PRC1: variants seen among roughly 807,000 people sequenced by gnomAD.
PRC1 encodes the protein anaphase spindle elongation 1 homolog.
A neutral mutation model predicts 91.2 loss-of-function variants in PRC1; 54 were observed. The observed-to-expected ratio is 0.59, with a 90% CI of 0.48 to 0.74. PRC1 has a LOEUF of 0.74. PRC1 is among the 30% of genes least tolerant of loss of function. The probability of loss-of-function intolerance (pLI) is 0.00; values close to 1 mark genes in which losing one functional copy is unlikely to be tolerated. For synonymous variants in PRC1, 275 were observed against 263.6 expected (o/e 1.04, Z -0.42); for missense variants, 727 against 746.2 (o/e 0.97, Z 0.30).
chr15:90,982,001 ACT>A lies in PRC1; in HGVS notation c.268-22_268-21del. 6.2e-7 allele frequency: 1 copy of A among 1,600,752 alleles called. No individual in the cohort carries two copies. Among genetic ancestry groups the A allele is most frequent in the South Asian group, 1.1e-5 (1 of 90,602 alleles). Reference sequence around the variant, plus strand: ...TTCTTCCTGAATAAGACAACGTACCACTGTTATAAGATTCCAAGTGAATTCCT... The same window carrying A: ...TTCTTCCTGAATAAGACAACGTACCAGTTATAAGATTCCAAGTGAATTCCT... On this transcript the variant is annotated intron_variant, in intron 3 of 14. Coordinates refer to ENST00000394249, the MANE Select transcript of PRC1 (RefSeq NM_003981.4).
At chr15:90,989,680 A>G (rs2039843163) in intron 1 of PRC1, among the ~76,000 whole-genome samples, 2 of 152,168 alleles carry the variant, frequency 1.3e-5, no homozygotes, top group South Asian at 4.1e-4. Flanking sequence ...AAAAGTGAAA[A>G]AAAAAATACA....
At chr15:90,980,131 G>C in intron 7 of PRC1, 111 bp downstream of exon 7, 4 of 1,357,338 alleles carry the variant, frequency 2.9e-6, no homozygotes, top group Non-Finnish European at 3.9e-6. Context: ...CAACACTTTG[G>C]GAGGCCAAGT....
chr15:90,990,024 C>T (rs1207294621), intron 1 of PRC1, among the ~76,000 whole-genome samples: 1 of 152,078 alleles, frequency 6.6e-6, no homozygotes, highest in Non-Finnish European at 1.5e-5. Flanking sequence ...AGCCACCACA[C>T]CCAGCTAACT....
At position 90,966,217 on chromosome 15, in the gene PRC1, GAATA is replaced by G. The variant is rs753869624; in HGVS notation, c.*910_*913del. 1 of 198,868 alleles carries G rather than the reference GAATA, an allele frequency of 5.0e-6. No homozygotes were observed. Among genetic ancestry groups the G allele is most frequent in the South Asian group, 8.8e-5 (1 of 11,426 alleles). The allele number at this position is 198,868 out of a possible 1,614,324, so 12.3% of individuals were successfully genotyped here. On this transcript the variant is annotated 3_prime_UTR_variant, in exon 15 of 15. Transcript: ENST00000394249. ...GTACTGCTGCAGGCAGACAGCGGAAGAATAAATAATAGTGCTTCAAGAAGAGTAG... is the reference window on the plus strand; with the variant it reads ...GTACTGCTGCAGGCAGACAGCGGAAGAATAATAGTGCTTCAAGAAGAGTAG...
rs2039452855 is a variant in PRC1 at position 90,984,664 on chromosome 15, A to G, written c.144+29T>C. 2 of 1,612,968 alleles carry G rather than the reference A, an allele frequency of 1.2e-6. No homozygotes were observed. Among genetic ancestry groups the G allele is most frequent in the Non-Finnish European group, 8.5e-7 (1 of 1,179,336 alleles). On this transcript the variant is annotated intron_variant, in intron 2 of 14. Transcript: ENST00000394249. The surrounding 1 kb of genome is among the most constrained non-coding windows in gnomAD (Gnocchi z 5.1). ...GACACCAACATCCTTACCCTGGTCC[A>G]ATGCAGAGACCAGTACTATTCAACC...
rs141730563 is a variant in PRC1 at position 90,979,311 on chromosome 15, C to T, written c.971-17G>A. The T allele has an allele frequency of 1.6e-3, 2,579 of 1,599,852 alleles. 21 individuals are homozygous for T. The African/African-American group carries it at 0.024, about 15-fold the overall frequency. On this transcript the variant is annotated splice_polypyrimidine_tract_variant and intron_variant, in intron 7 of 14. Coordinates refer to ENST00000394249, the MANE Select transcript of PRC1 (RefSeq NM_003981.4). ...TGTAGTCCTCTGCAAAATATAGGCC[C>T]AGTAGTTTAAAACAATTCCTCTAGT...
chr15:90,994,350 C>G, intron 1 of PRC1, 57 bp downstream of exon 1: 2 of 1,611,612 alleles, frequency 1.2e-6, no homozygotes, highest in Non-Finnish European at 1.7e-6. Flanking sequence ...ACAGGCCCCG[C>G]AGCCGAAACG....
In PRC1 at chr15:90,981,871, C is replaced by T. The variant is rs762404767; in HGVS notation, c.378G>A (p.Glu126=). ...GAATTTCGCACAGTTCTTGATCTTG[C>T]TCTTGAAGTAGCTTCAGTTCCTGTT... The part of the protein sequence containing the change: ...ERKQELKLLQ[E]QDQELCEILC... The change falls in exon 4 of 15, where the codon GAG becomes GAA. Residue 126 remains glutamate, a synonymous_variant. Transcript: ENST00000394249. 2 of 1,614,224 alleles carry T rather than the reference C, an allele frequency of 1.2e-6. No individual in the cohort carries two copies. The highest frequency in any genetic ancestry group is 1.7e-5 in the Admixed American group (1 of 60,014).
chr15:90,990,518 G>A (rs988892446), intron 1 of PRC1, among the ~76,000 whole-genome samples: 1 of 151,468 alleles, frequency 6.6e-6, no homozygotes, highest in African/African-American at 2.4e-5. Context: ...GCGCCACCTT[G>A]CCTAGCCGAA....
intron 5 of PRC1, 40 bp from the exon 6 acceptor site, chr15:90,981,073 C>G (rs2151535959): frequency 1.2e-6 from 2 of 1,611,416 alleles, no homozygotes; most frequent in South Asian, 1.1e-5. Flanking sequence ...GGCAAAGCAG[C>G]AGCACAGAGG....
At position 90,981,635 on chromosome 15, in the gene PRC1, C is replaced by G; in HGVS notation, c.536G>C (p.Arg179Thr). 6.2e-7 allele frequency: 1 copy of G among 1,614,116 alleles called. No individual in the cohort carries two copies. The highest frequency in any genetic ancestry group is 1.3e-5 in the African/African-American group (1 of 75,036). The change falls in exon 5 of 15, where the codon AGA (arginine) becomes ACA (threonine). Residue 179 changes from arginine (R) to threonine (T), a missense_variant. Transcript: ENST00000394249. ...SRREEFVSIK[R>T]QIILCMEALD... The stretch of plus-strand genomic sequence containing the variant: ...TGCTTCCATACACAGTATGATCTGT[C>G]TCTTTATACTGACAAACTCCTCACG...
At chr15:90,968,599 A>G in intron 14 of PRC1, 1 of 993,006 alleles carries the variant, frequency 1.0e-6, no homozygotes, top group Non-Finnish European at 1.2e-6. Context: ...CAATGTATGG[A>G]AAGAGGCAAA....
chr15:90,979,399 G>T, intron 7 of PRC1, 105 bp from the exon 8 acceptor site: 1 of 1,292,210 alleles, frequency 7.7e-7, no homozygotes, highest in Non-Finnish European at 1.1e-6. Context: ...TTTCCTTATA[G>T]TAAACTGATA....
At chr15:90,990,852 C>A (rs1474055058) in intron 1 of PRC1, among the ~76,000 whole-genome samples, 4 of 151,544 alleles carry the variant, frequency 2.6e-5, no homozygotes, top group Non-Finnish European at 4.4e-5. Flanking sequence ...GATCTCAGCT[C>A]ACTGCAACCT....
chr15:90,966,517 A>T lies in PRC1; in HGVS notation c.*614T>A. 1 of 451,972 alleles carries T rather than the reference A, an allele frequency of 2.2e-6. No homozygotes were observed. The highest frequency in any genetic ancestry group is 2.4e-5 in the Admixed American group (1 of 42,174). 28.0% of individuals were successfully genotyped at this position (451,972 alleles called of 1,614,324 possible). Reference sequence around the variant, plus strand: ...GTTCATACATGCATACCCCCAACAAAGGGCAATGCACTGTGTAACAGAACT... The same window carrying T: ...GTTCATACATGCATACCCCCAACAATGGGCAATGCACTGTGTAACAGAACT... On this transcript the variant is annotated 3_prime_UTR_variant, in exon 15 of 15. Coordinates refer to ENST00000394249, the MANE Select transcript of PRC1 (RefSeq NM_003981.4).
At chr15:90,987,429 C>G (rs752327933) in intron 1 of PRC1, among the ~76,000 whole-genome samples, 3 of 152,140 alleles carry the variant, frequency 2.0e-5, no homozygotes, top group Non-Finnish European at 4.4e-5. Context: ...ACTGAGTTTA[C>G]ACTTGATTTC....
chr15:90,978,202 A>G (rs1474837354), intron 8 of PRC1, among the ~76,000 whole-genome samples: 1 of 152,226 alleles, frequency 6.6e-6, no homozygotes, highest in Non-Finnish European at 1.5e-5. Flanking sequence ...GAAGAAAAGG[A>G]ATCAATACCC....
intron 1 of PRC1, among the ~76,000 whole-genome samples, chr15:90,992,401 C>A (rs1380414800): frequency 1.3e-5 from 2 of 152,128 alleles, no homozygotes; most frequent in Non-Finnish European, 2.9e-5. Context: ...AAGTATTTTT[C>A]TTTTCTTTTT....
chr15:90,981,746 A>G lies in PRC1; in HGVS notation c.501+2T>C. On this transcript the variant is annotated splice_donor_variant, in intron 4 of 14. Coordinates refer to ENST00000394249, the MANE Select transcript of PRC1 (RefSeq NM_003981.4). LOFTEE classifies it high-confidence loss of function. ...TAGGAAGAACAAATGTAGGCAGTGT[A>G]CCTTTGTTTCCCTCAAAGTTGTCAC... The G allele has an allele frequency of 6.2e-7, 1 of 1,610,192 alleles. No homozygotes were observed. The highest frequency in any genetic ancestry group is 8.5e-7 in the Non-Finnish European group (1 of 1,177,168).
Sources: gnomAD v4.1 joint callset for allele counts (sites outside exome capture counted in the v4.1 genomes callset) on GRCh38, gnomAD v4.1.1 for gene constraint, Gnocchi (gnomAD v3.1) non-coding constraint, MANE v1.5 for transcripts, NCBI Gene and HGNC (gene_info 2026-07-23, HGNC 2026-07-21) for gene names.